The following SPOCK1 variants were observed in gnomAD, a reference collection of about 807,000 sequenced individuals.
SPOCK1 encodes SPARC (osteonectin), cwcv and kazal like domains proteoglycan 1, also known as testican-1.
In SPOCK1, 23 loss-of-function variants were observed where a neutral mutation model predicts 55.3. The ratio of observed to expected loss-of-function variants is 0.42; its 90% CI spans 0.30 to 0.59. The LOEUF is 0.59. Among genes scored for constraint, SPOCK1 ranks in the 20% least tolerant of loss-of-function variants. The pLI is 0.22. For missense variants in SPOCK1, 499 were observed against 552.5 expected (o/e 0.90, Z 0.97); for synonymous variants, 226 against 221.0 (o/e 1.02, Z -0.20).
intron 3 of SPOCK1, among the ~76,000 whole-genome samples, chr5:137,156,341 C>A (rs896981529): frequency 2.6e-5 from 4 of 152,194 alleles, no homozygotes; most frequent in African/African-American, 9.7e-5. Context: ...TCCAAAAACT[C>A]TTCAAACCAT....
Position 137,021,775 on chromosome 5 carries a change from G to T in SPOCK1, c.590-29175C>A, listed in dbSNP as rs1275097347. 4.6e-5 allele frequency among the ~76,000 whole-genome samples: 7 copies of T among 152,168 alleles called. No individual in the cohort carries two copies. In the East Asian group the frequency reaches 1.4e-3, roughly 29 times the overall value. Reference sequence around the variant, plus strand: ...CTCTAAATTATGCTTTGCTTGGGAAGAAGATGACAATATTTTCCATTGATT... The same window carrying T: ...CTCTAAATTATGCTTTGCTTGGGAATAAGATGACAATATTTTCCATTGATT... On this transcript the variant is annotated intron_variant, in intron 6 of 10. Coordinates refer to ENST00000394945, the MANE Select transcript of SPOCK1 (RefSeq NM_004598.4).
intron 2 of SPOCK1, among the ~76,000 whole-genome samples, chr5:137,481,861 C>G (rs1215924787): frequency 6.6e-6 from 1 of 152,160 alleles, no homozygotes; most frequent in Non-Finnish European, 1.5e-5. Flanking sequence ...GCTCAGTAGG[C>G]CTTTAAACTT....
At chr5:137,205,282 A>T (rs1755498231) in intron 3 of SPOCK1, among the ~76,000 whole-genome samples, 2 of 152,196 alleles carry the variant, frequency 1.3e-5, no homozygotes, top group South Asian at 4.1e-4. Flanking sequence ...CAGAATGAAA[A>T]GAAAAGCCAT....
intron 3 of SPOCK1, among the ~76,000 whole-genome samples, chr5:137,193,817 G>A (rs1239684523): frequency 6.6e-6 from 1 of 152,166 alleles, no homozygotes; most frequent in South Asian, 2.1e-4. Context: ...CATGAACAGC[G>A]TCTGGCTGCC....
chr5:137,462,790 T>C (rs900397250), intron 2 of SPOCK1, among the ~76,000 whole-genome samples: 11 of 152,180 alleles, frequency 7.2e-5, no homozygotes, highest in Admixed American at 3.3e-4. Context: ...GGGAGAAACA[T>C]GTCCATGTGT....
At chr5:137,063,234 C>T (rs1211139508) in intron 6 of SPOCK1, among the ~76,000 whole-genome samples, 2 of 105,538 alleles carry the variant, frequency 1.9e-5, no homozygotes, top group Admixed American at 9.2e-5. Context: ...AGCGAGACTC[C>T]ATCTCAAAAA....
At chr5:137,333,702 C>G (rs1175254690) in intron 2 of SPOCK1, among the ~76,000 whole-genome samples, 2 of 152,222 alleles carry the variant, frequency 1.3e-5, no homozygotes, top group Non-Finnish European at 2.9e-5. Context: ...GCCCGGCACC[C>G]AAGTTGCTGG....
chr5:137,272,236 C>G (rs1370487391), intron 2 of SPOCK1, among the ~76,000 whole-genome samples: 1 of 152,156 alleles, frequency 6.6e-6, no homozygotes, highest in Non-Finnish European at 1.5e-5. Context: ...TCAGTGCAAA[C>G]TGGTTCTATT....
intron 3 of SPOCK1, among the ~76,000 whole-genome samples, chr5:137,148,183 C>T (rs1286771819): frequency 6.6e-6 from 1 of 152,076 alleles, no homozygotes; most frequent in Admixed American, 6.5e-5. Flanking sequence ...GGTGTCCAGC[C>T]CTGGGTGATC....
At chr5:137,406,162 T>C (rs1414682626) in intron 2 of SPOCK1, among the ~76,000 whole-genome samples, 2 of 152,150 alleles carry the variant, frequency 1.3e-5, no homozygotes, top group Non-Finnish European at 2.9e-5. Flanking sequence ...CAGATACTTA[T>C]AGCCCAGGAG....
At chr5:137,138,791 T>C (rs1754040730) in intron 4 of SPOCK1, among the ~76,000 whole-genome samples, 1 of 151,544 alleles carries the variant, frequency 6.6e-6, no homozygotes, top group Non-Finnish European at 1.5e-5. Flanking sequence ...GGGTCTCTTG[T>C]TTACCTCTGT....
chr5:137,306,758 A>C (rs530125581), intron 2 of SPOCK1, among the ~76,000 whole-genome samples: 1 of 152,222 alleles, frequency 6.6e-6, no homozygotes, highest in Admixed American at 6.5e-5. Flanking sequence ...AGCTTTTTAA[A>C]GTTTATAATT....
chr5:137,233,215 A>G (rs112554695), intron 3 of SPOCK1, among the ~76,000 whole-genome samples: 3,412 of 152,300 alleles, frequency 0.022, 131 homozygotes, highest in African/African-American at 0.078. Context: ...CTTTATTTCT[A>G]TTATTACATA....
At chr5:136,986,612 A>G (rs1233983420) in intron 8 of SPOCK1, among the ~76,000 whole-genome samples, 1 of 152,190 alleles carries the variant, frequency 6.6e-6, no homozygotes, top group African/African-American at 2.4e-5. Context: ...ACCAACCAGA[A>G]TAACTTAGAA....
Position 137,456,932 on chromosome 5 carries a change from G to A in SPOCK1, c.186+41441C>T, listed in dbSNP as rs368315038. ...ACCAACTACTATACCTCTGCTAGTG[G>A]GTATATTAACCTTTGTTTCAAGAAA... On this transcript the variant is annotated intron_variant, in intron 2 of 10. Coordinates refer to ENST00000394945, the MANE Select transcript of SPOCK1 (RefSeq NM_004598.4). Among the ~76,000 whole-genome samples, 17 of 152,230 alleles carry A rather than the reference G, an allele frequency of 1.1e-4. No homozygotes were observed. The East Asian group carries it at 2.9e-3, about 26-fold the overall frequency.
intron 2 of SPOCK1, among the ~76,000 whole-genome samples, chr5:137,317,369 C>T (rs1310329558): frequency 2.0e-5 from 3 of 152,156 alleles, no homozygotes; most frequent in African/African-American, 7.2e-5. Context: ...CTGGTGGTCT[C>T]CAACCTTCAG....
intron 3 of SPOCK1, among the ~76,000 whole-genome samples, chr5:137,153,865 C>CA (rs59668593): frequency 0.12 from 17,992 of 145,712 alleles, 1,340 homozygotes; most frequent in East Asian, 0.23. Context: ...CTCAAAAAAA[C>CA]AAAAAAACAA....
At chr5:137,235,987 G>A (rs1311966327) in intron 3 of SPOCK1, among the ~76,000 whole-genome samples, 1 of 152,238 alleles carries the variant, frequency 6.6e-6, no homozygotes, top group African/African-American at 2.4e-5. Context: ...TCAGACACAG[G>A]CAGGGAGAGC....
intron 2 of SPOCK1, among the ~76,000 whole-genome samples, chr5:137,356,936 T>G (rs376807902): frequency 6.9e-6 from 1 of 145,754 alleles, no homozygotes; most frequent in East Asian, 2.1e-4. Context: ...CCCCAGATCC[T>G]AGAGCCAAGC....
Sources: allele counts gnomAD v4.1 joint callset (sites outside exome capture counted in the v4.1 genomes callset), GRCh38; gene constraint gnomAD v4.1.1; transcripts MANE v1.5; gene names NCBI Gene and HGNC (gene_info 2026-07-23, HGNC 2026-07-21).